COL26A1: variants seen among roughly 807,000 people sequenced by gnomAD.
COL26A1 encodes the protein collagen alpha-1(XXVI) chain.
In COL26A1, 41 loss-of-function variants were observed where a neutral mutation model predicts 59.3. That is an observed-to-expected ratio of 0.69 (90% CI 0.54 to 0.90). COL26A1 has a LOEUF of 0.90. Among genes scored for constraint, COL26A1 ranks in the 40% least tolerant of loss-of-function variants. COL26A1 has a pLI of 0.00. For missense variants in COL26A1, 612 were observed against 602.3 expected (o/e 1.02, Z -0.17); for synonymous variants, 266 against 256.0 (o/e 1.04, Z -0.37).
intron 3 of COL26A1, among the ~76,000 whole-genome samples, chr7:101,461,500 G>T (rs1477792202): frequency 6.6e-6 from 1 of 152,094 alleles, no homozygotes; most frequent in Non-Finnish European, 1.5e-5. Context: ...GATTCGCCAT[G>T]TTGGTCAGGC....
chr7:101,464,071 T>C (rs1793698621), intron 3 of COL26A1, among the ~76,000 whole-genome samples: 1 of 151,614 alleles, frequency 6.6e-6, no homozygotes, highest in Non-Finnish European at 1.5e-5. Flanking sequence ...GCTCAAGCAA[T>C]CCTCCTACCG....
chr7:101,406,758 C>T (rs986430821), intron 1 of COL26A1, among the ~76,000 whole-genome samples: 5 of 152,066 alleles, frequency 3.3e-5, no homozygotes, highest in South Asian at 2.1e-4. Context: ...CCAGCCTGGG[C>T]GACATAGCAG....
chr7:101,489,711 TTCATTCTTTCTTTCTCTCTC>T (rs1794366801), intron 3 of COL26A1, among the ~76,000 whole-genome samples: 1 of 103,132 alleles, frequency 9.7e-6, no homozygotes, highest in Admixed American at 8.8e-5. Context: ...CTTTCTTTCT[TTCATTCTTTCTTTCTCTCTC>T]TCTTTCTCTC....
intron 1 of COL26A1, among the ~76,000 whole-genome samples, chr7:101,390,278 C>A (rs147462414): frequency 6.6e-6 from 1 of 150,898 alleles, no homozygotes; most frequent in African/African-American, 2.4e-5. Context: ...GCCTCAGCCT[C>A]CCGAGTAGCT....
At chr7:101,519,013 G>A (rs1795087142) in intron 3 of COL26A1, among the ~76,000 whole-genome samples, 1 of 152,148 alleles carries the variant, frequency 6.6e-6, no homozygotes, top group Non-Finnish European at 1.5e-5. Flanking sequence ...ATTCATGGCT[G>A]GTCTGAAGGA....
At chr7:101,489,666 T>TTTCTG (rs1794355344) in intron 3 of COL26A1, among the ~76,000 whole-genome samples, 4 of 54,916 alleles carry the variant, frequency 7.3e-5, no homozygotes, top group African/African-American at 3.4e-4. Flanking sequence ...TCTTTCTTCC[T>TTTCTG]TCCTTCCTTC....
intron 2 of COL26A1, among the ~76,000 whole-genome samples, chr7:101,428,467 A>C (rs1792700238): frequency 6.6e-6 from 1 of 152,164 alleles, no homozygotes; most frequent in East Asian, 1.9e-4. Context: ...GAAAAGGAAG[A>C]TAAGGGTTTT....
At chr7:101,479,546 G>T (rs962408657) in intron 3 of COL26A1, among the ~76,000 whole-genome samples, 5 of 152,092 alleles carry the variant, frequency 3.3e-5, no homozygotes, top group Non-Finnish European at 5.9e-5. Context: ...ATAGTATTTT[G>T]TCATTATATT....
At chr7:101,368,303 C>A (rs939872363) in intron 1 of COL26A1, among the ~76,000 whole-genome samples, 1 of 152,304 alleles carries the variant, frequency 6.6e-6, no homozygotes, top group South Asian at 2.1e-4. Flanking sequence ...GTCATTCTTT[C>A]ATTAAGGATC....
At chr7:101,410,409 G>A (rs1020195743) in intron 1 of COL26A1, among the ~76,000 whole-genome samples, 2 of 151,312 alleles carry the variant, frequency 1.3e-5, no homozygotes, top group Admixed American at 6.6e-5. Context: ...GAAGTTACAT[G>A]ACTAAGGATC....
At chr7:101,517,065 C>T (rs959602267) in intron 3 of COL26A1, among the ~76,000 whole-genome samples, 15 of 152,084 alleles carry the variant, frequency 9.9e-5, no homozygotes, top group African/African-American at 3.1e-4. Flanking sequence ...TGAGTCTGAC[C>T]CTGAGACTCA....
At chr7:101,394,864 CTTTTCTT>C (rs1791818315) in intron 1 of COL26A1, among the ~76,000 whole-genome samples, 2 of 124,008 alleles carry the variant, frequency 1.6e-5, no homozygotes, top group African/African-American at 3.0e-5. Context: ...GTTTCTTTTT[CTTTTCTT>C]TTTTTTTTTT....
At chr7:101,496,798 A>T (rs1404345956) in intron 3 of COL26A1, among the ~76,000 whole-genome samples, 1 of 151,980 alleles carries the variant, frequency 6.6e-6, no homozygotes, top group Non-Finnish European at 1.5e-5. Flanking sequence ...AGGCAGGAGG[A>T]TCACTTGAAC....
intron 3 of COL26A1, among the ~76,000 whole-genome samples, chr7:101,476,313 A>T (rs1794045288): frequency 6.6e-6 from 1 of 152,068 alleles, no homozygotes; most frequent in Admixed American, 6.6e-5. Flanking sequence ...TGTGGTGATT[A>T]CATATATGCC....
intron 3 of COL26A1, among the ~76,000 whole-genome samples, chr7:101,476,677 A>G (rs1011027420): frequency 6.6e-6 from 1 of 150,908 alleles, no homozygotes; most frequent in Non-Finnish European, 1.5e-5. Flanking sequence ...CCTCCCGAGT[A>G]CCTGGGACTA....
chr7:101,398,342 C>T lies in COL26A1; in HGVS notation c.159-21635C>T, dbSNP rs1791907339. Among the ~76,000 whole-genome samples, 4 of 152,188 alleles carry T rather than the reference C, an allele frequency of 2.6e-5. No homozygotes were observed. The South Asian group carries it at 8.3e-4, about 31-fold the overall frequency. ...CCAATGTCACCTGGGAAGTCACAGGCTGAGCTGGGATAAGACCCCAGTTTC... is the reference window on the plus strand; with the variant it reads ...CCAATGTCACCTGGGAAGTCACAGGTTGAGCTGGGATAAGACCCCAGTTTC... On this transcript the variant is annotated intron_variant, in intron 1 of 12. Coordinates refer to ENST00000313669, the MANE Select transcript of COL26A1 (RefSeq NM_001278563.3).
chr7:101,375,263 GTTAATA>G (rs1309641016), intron 1 of COL26A1, among the ~76,000 whole-genome samples: 3 of 152,082 alleles, frequency 2.0e-5, no homozygotes, highest in African/African-American at 7.2e-5. Flanking sequence ...GCTTATGCAA[GTTAATA>G]TTAATCAAGC....
chr7:101,370,089 G>A (rs972135558), intron 1 of COL26A1, among the ~76,000 whole-genome samples: 11 of 151,974 alleles, frequency 7.2e-5, no homozygotes, highest in Non-Finnish European at 1.3e-4. Flanking sequence ...TCAAACTCCC[G>A]ACTTCAGGTG....
chr7:101,461,735 CCACACTG>C (rs1474174603), intron 3 of COL26A1, among the ~76,000 whole-genome samples: 2 of 152,180 alleles, frequency 1.3e-5, no homozygotes, highest in East Asian at 3.9e-4. Context: ...CCCATCACAT[CCACACTG>C]TGGCTGGGAG....
Sources: gnomAD v4.1 joint callset for allele counts (sites outside exome capture counted in the v4.1 genomes callset) on GRCh38, gnomAD v4.1.1 for gene constraint, MANE v1.5 for transcripts, NCBI Gene and HGNC (gene_info 2026-07-23, HGNC 2026-07-21) for gene names.